The following ESD variants were observed in gnomAD, a reference collection of about 807,000 sequenced individuals.
ESD encodes the protein esterase D, also known as S-formylglutathione hydrolase.
A neutral mutation model predicts 38.1 loss-of-function variants in ESD; 34 were observed. The observed-to-expected ratio is 0.89, with a 90% confidence interval of 0.68 to 1.19. ESD has a LOEUF of 1.19. Ranked by LOEUF, ESD falls within the 50% of genes most tolerant of loss-of-function variation. ESD has a pLI of 0.00. For missense variants in ESD, 334 were observed against 327.2 expected, an observed-to-expected ratio of 1.02 and a Z score of -0.16; for synonymous variants, 97 against 107.0, an observed-to-expected ratio of 0.91 and a Z score of 0.58.
intron 4 of ESD, among the ~76,000 whole-genome samples, chr13:46,784,684 A>C (rs1034564310): frequency 6.6e-6 from 1 of 151,708 alleles, no homozygotes; most frequent in Non-Finnish European, 1.5e-5. Context: ...TGGTATTATT[A>C]TTTTTTTTGC....
chr13:46,794,161 A>AAAAACAAC (rs757667081), intron 1 of ESD, among the ~76,000 whole-genome samples: 2 of 151,336 alleles, frequency 1.3e-5, no homozygotes, highest in Non-Finnish European at 2.9e-5. Context: ...CCCCTCCAAA[A>AAAAACAAC]AACAACAACA....
At chr13:46,794,936 T>C (rs1411183724) in intron 1 of ESD, among the ~76,000 whole-genome samples, 2 of 152,204 alleles carry the variant, frequency 1.3e-5, no homozygotes. Context: ...AATCTAAATC[T>C]GCATCTCTAT....
At chr13:46,782,625 T>C in intron 6 of ESD, 42 bp downstream of exon 6, 2 of 1,600,240 alleles carry the variant, frequency 1.2e-6, no homozygotes, top group Non-Finnish European at 1.7e-6. Context: ...AATCAAACTC[T>C]TGGCAGTCAT....
At chr13:46,781,829 A>C (rs544140846) in intron 6 of ESD, among the ~76,000 whole-genome samples, 2 of 151,980 alleles carry the variant, frequency 1.3e-5, no homozygotes, top group Admixed American at 1.3e-4. Context: ...ACTTCTTAGA[A>C]AACACTTTAG....
At chr13:46,780,568 ATGTT>A (rs960899358) in intron 7 of ESD, among the ~76,000 whole-genome samples, 4 of 151,668 alleles carry the variant, frequency 2.6e-5, no homozygotes, top group Non-Finnish European at 5.9e-5. Flanking sequence ...ATCAATGTAA[ATGTT>A]TAGTGGTATC....
chr13:46,777,561 A>G lies in ESD; in HGVS notation c.663T>C (p.Asp221=). ...YPGSQLDILI[D]QGKDDQFLLD... Reference sequence around the variant, plus strand: ...AAAGAAACTGGTCATCTTTCCCTTGATCAATTAGTATGTCCAGCTGAGATC... The same window carrying G: ...AAAGAAACTGGTCATCTTTCCCTTGGTCAATTAGTATGTCCAGCTGAGATC... The change falls in exon 9 of 10, where the codon GAT becomes GAC. Residue 221 remains aspartate, a synonymous_variant. Coordinates refer to ENST00000378720, the MANE Select transcript of ESD (RefSeq NM_001984.2). The G allele has an allele frequency of 1.2e-6, 2 of 1,611,602 alleles. No individual in the cohort carries two copies. Among genetic ancestry groups the G allele is most frequent in the Non-Finnish European group, 1.7e-6 (2 of 1,178,300 alleles).
chr13:46,794,160 A>AC (rs776272046), intron 1 of ESD, among the ~76,000 whole-genome samples: 46 of 146,626 alleles, frequency 3.1e-4, no homozygotes, highest in African/African-American at 1.2e-3. Context: ...TCCCCTCCAA[A>AC]AAACAACAAC....
At chr13:46,793,660 T>C (rs1032563319) in intron 1 of ESD, among the ~76,000 whole-genome samples, 6 of 152,220 alleles carry the variant, frequency 3.9e-5, no homozygotes, top group African/African-American at 1.4e-4. Flanking sequence ...TATTTTGCCA[T>C]AAAGCTTGTT....
rs567889972 is a variant in ESD, at chr13:46,771,914, T to C, written c.769-418A>G. Among the ~76,000 whole-genome samples the C allele has an allele frequency of 3.2e-4, 49 of 152,186 alleles. 1 individual carries two copies. In the South Asian group the frequency reaches 9.7e-3, roughly 30 times the overall value. On this transcript the variant is annotated intron_variant, in intron 9 of 9. Coordinates refer to ENST00000378720, the MANE Select transcript of ESD (RefSeq NM_001984.2). ...AGTGTCAGTTGATATGACACTGTCA[T>C]ATCAACCAAGATGAAAAGAATCAGG...
At chr13:46,782,858 T>A in intron 5 of ESD, 67 bp from the exon 6 acceptor site, 2 of 1,561,902 alleles carry the variant, frequency 1.3e-6, no homozygotes, top group Non-Finnish European at 1.7e-6. Flanking sequence ...TAACACACTT[T>A]CAGATGAATC....
At position 46,771,378 on chromosome 13, in the gene ESD, T is replaced by C; in HGVS notation, c.*38A>G. The C allele has an allele frequency of 7.1e-7, 1 of 1,403,038 alleles. No individual in the cohort carries two copies. Among genetic ancestry groups the C allele is most frequent in the South Asian group, 1.2e-5 (1 of 80,206 alleles). The allele number at this position is 1,403,038 out of a possible 1,614,324, so 86.9% of individuals were successfully genotyped here. On this transcript the variant is annotated 3_prime_UTR_variant, in exon 10 of 10. Transcript: ENST00000378720. ...AGCAATACAGTTGCATTTTACAACT[T>C]TTATAATCCTGAAGAGATTCTCTTA...
chr13:46,795,337 C>T (rs1335362504), intron 1 of ESD, among the ~76,000 whole-genome samples: 1 of 152,202 alleles, frequency 6.6e-6, no homozygotes, highest in Non-Finnish European at 1.5e-5. Flanking sequence ...ATACGGCCTA[C>T]GTGGAATTGT....
At chr13:46,785,549 G>GT (rs1875164168) in intron 4 of ESD, 1 of 151,910 alleles carries the variant, frequency 6.6e-6, no homozygotes, top group African/African-American at 2.4e-5. Context: ...TAATAATTGT[G>GT]TAATCTTTCT....
At chr13:46,774,513 A>C (rs958919335) in intron 9 of ESD, among the ~76,000 whole-genome samples, 11 of 152,186 alleles carry the variant, frequency 7.2e-5, no homozygotes, top group African/African-American at 2.7e-4. Context: ...GCCTATGTTT[A>C]GTGACACTTG....
At position 46,787,031 on chromosome 13, in the gene ESD, A is replaced by G. The variant is rs751720353; in HGVS notation, c.147T>C (p.Tyr49=). The G allele has an allele frequency of 7.8e-6, 12 of 1,540,114 alleles. No homozygotes were observed. The highest frequency in any genetic ancestry group is 2.5e-5 in the South Asian group (2 of 80,046). ...ATGCATAATACTTACCTGAGAGCCA[A>G]TACAGTGCAGGGCACTTTCCTGTTT... ...KAETGKCPAL[Y]WLSGLTCTEQ... The change falls in exon 4 of 10, where the codon TAT becomes TAC. Residue 49 remains tyrosine, a synonymous_variant. Transcript: ENST00000378720.
intron 2 of ESD, among the ~76,000 whole-genome samples, chr13:46,792,565 T>C (rs541482153): frequency 1.3e-5 from 2 of 152,162 alleles, no homozygotes; most frequent in Admixed American, 6.5e-5. Context: ...TACTCTTAAC[T>C]GCTATGCTGT....
intron 6 of ESD, 82 bp downstream of exon 6, chr13:46,782,585 T>C: frequency 6.8e-7 from 1 of 1,481,090 alleles, no homozygotes; most frequent in Non-Finnish European, 9.1e-7. Flanking sequence ...TAGTTTAAAA[T>C]CCTCAGGATT....
At chr13:46,785,479 A>G (rs1593408697) in intron 4 of ESD, among the ~76,000 whole-genome samples, 1 of 152,138 alleles carries the variant, frequency 6.6e-6, no homozygotes, top group East Asian at 1.9e-4. Context: ...CACATGAACT[A>G]TCTTTTAAGA....
At position 46,778,223 on chromosome 13, in the gene ESD, T is replaced by C. The variant is rs538212669; in HGVS notation, c.601-600A>G. ...ATCTCAAATTTATTCTCTGAGGAGCTGCCACTAGTTACAATTTTATGTTTT... is the reference window on the plus strand; with the variant it reads ...ATCTCAAATTTATTCTCTGAGGAGCCGCCACTAGTTACAATTTTATGTTTT... On this transcript the variant is annotated intron_variant, in intron 8 of 9. Coordinates refer to ENST00000378720, the MANE Select transcript of ESD (RefSeq NM_001984.2). Among the ~76,000 whole-genome samples, 7 of 152,000 alleles carry C rather than the reference T, an allele frequency of 4.6e-5. No individual in the cohort carries two copies. The East Asian group carries it at 1.4e-3, about 29-fold the overall frequency.
Sources: allele counts gnomAD v4.1 joint callset (sites outside exome capture counted in the v4.1 genomes callset), GRCh38; gene constraint gnomAD v4.1.1; transcripts MANE v1.5; gene names NCBI Gene and HGNC (gene_info 2026-07-23, HGNC 2026-07-21).